Variants in LRRC74A observed in about 807,000 individuals in gnomAD.
LRRC74A encodes leucine-rich repeat-containing protein 74A.
In LRRC74A, 44 loss-of-function variants were observed where a neutral mutation model predicts 57.9. That is an observed-to-expected ratio of 0.76 (90% CI 0.60 to 0.98). LRRC74A has a LOEUF of 0.98. LRRC74A is among the 50% of genes least tolerant of loss of function. The probability of loss-of-function intolerance (pLI) is 0.00; values close to 1 mark genes in which losing one functional copy is unlikely to be tolerated. For missense variants in LRRC74A, 572 were observed against 574.0 expected, an observed-to-expected ratio of 1.00 and a Z score of 0.04; for synonymous variants, 211 against 219.4, an observed-to-expected ratio of 0.96 and a Z score of 0.34.
rs375364160 is a variant in LRRC74A at position 76,865,949 on chromosome 14, T to A, written c.1201-19T>A. 3.9e-5 allele frequency: 60 copies of A among 1,523,634 alleles called. No homozygotes were observed. The highest frequency in any genetic ancestry group is 4.8e-5 in the Non-Finnish European group (53 of 1,105,528). 94.4% of individuals were successfully genotyped at this position (1,523,634 alleles called of 1,614,324 possible). A position where few individuals can be genotyped will look rare whatever the true frequency, so the allele number is the denominator to read the frequency against. On this transcript the variant is annotated intron_variant, in intron 11 of 13. Transcript: ENST00000689127. ...TACAAGACCAAGTGTTTGCTCCTGG[T>A]CTCTCCTGCTTCTCTCAGAGCTATG...
At chr14:76,869,677 G>A (rs1281988261) in intron 13 of LRRC74A, among the ~76,000 whole-genome samples, 1 of 151,442 alleles carries the variant, frequency 6.6e-6, no homozygotes, top group African/African-American at 2.4e-5. Flanking sequence ...CAGGAGAATT[G>A]CTTGAACCTG....
intron 4 of LRRC74A, 30 bp from the exon 5 acceptor site, chr14:76,837,845 T>C (rs1390185512): frequency 7.1e-7 from 1 of 1,402,490 alleles, no homozygotes; most frequent in Admixed American, 2.0e-5. Context: ...TGAGCTTTTT[T>C]ACATACCGAA....
At chr14:76,843,384 T>C (rs1175799294) in intron 5 of LRRC74A, among the ~76,000 whole-genome samples, 1 of 152,130 alleles carries the variant, frequency 6.6e-6, no homozygotes, top group Admixed American at 6.5e-5. Flanking sequence ...TATTAGGATA[T>C]TATTCTTCTT....
chr14:76,838,008 A>G, intron 5 of LRRC74A, 37 bp downstream of exon 5: 1 of 1,327,148 alleles, frequency 7.5e-7, no homozygotes, highest in African/African-American at 1.5e-5. Context: ...GACACTGGGA[A>G]TCAGAGGGAG....
At chr14:76,828,587 G>C (rs61740619) in intron 2 of LRRC74A, 168 bp downstream of exon 2, 3 of 962,252 alleles carry the variant, frequency 3.1e-6, no homozygotes. Context: ...GTCCTCCTCC[G>C]GGCTGGCAGG....
chr14:76,844,904 G>A lies in LRRC74A; in HGVS notation c.676+3G>A. 6.6e-7 allele frequency: 1 copy of A among 1,520,246 alleles called. No homozygotes were observed. The highest frequency in any genetic ancestry group is 9.1e-7 in the Non-Finnish European group (1 of 1,095,032). The allele number at this position is 1,520,246 out of a possible 1,614,324, so 94.2% of individuals were successfully genotyped here. A position where few individuals can be genotyped will look rare whatever the true frequency, so the allele number is the denominator to read the frequency against. ...GGAGCACCTGGGCCAGATGCTGGGT[G>A]AGTCTCCCTGGAGGAAGGGACAGCA... On this transcript the variant is annotated splice_donor_region_variant and intron_variant, in intron 7 of 13. Coordinates refer to ENST00000689127, the MANE Select transcript of LRRC74A (RefSeq NM_001385106.1).
rs570682940 is a variant in LRRC74A at position 76,869,411 on chromosome 14, T to A, written c.1392-714T>A. On this transcript the variant is annotated intron_variant, in intron 13 of 13. Transcript: ENST00000689127. Reference sequence around the variant, plus strand: ...CAGAGTTTTAATTTTTATTGTTGCATGATCCTTTTCATTTTTGTTTTATGT... The same window carrying A: ...CAGAGTTTTAATTTTTATTGTTGCAAGATCCTTTTCATTTTTGTTTTATGT... 6.3e-3 allele frequency among the ~76,000 whole-genome samples: 956 copies of A among 152,342 alleles called. 14 individuals carry two copies. The highest frequency in any genetic ancestry group is 0.022 in the African/African-American group (917 of 41,578).
intron 7 of LRRC74A, among the ~76,000 whole-genome samples, chr14:76,849,935 G>A (rs939413723): frequency 7.2e-5 from 11 of 151,928 alleles, no homozygotes; most frequent in African/African-American, 2.4e-4. Context: ...AGGGCCAGGC[G>A]TGGTGGCTCA....
intron 5 of LRRC74A, among the ~76,000 whole-genome samples, chr14:76,842,298 T>C (rs1479248508): frequency 1.3e-5 from 2 of 152,224 alleles, no homozygotes; most frequent in East Asian, 3.8e-4. Context: ...CTGCAAATAA[T>C]GAAAGTTTTT....
chr14:76,865,301 C>T (rs1181150304), intron 11 of LRRC74A, among the ~76,000 whole-genome samples: 2 of 152,100 alleles, frequency 1.3e-5, no homozygotes, highest in Non-Finnish European at 1.5e-5. Flanking sequence ...GAGAAACCCA[C>T]GGATATGGAG....
intron 5 of LRRC74A, among the ~76,000 whole-genome samples, chr14:76,843,933 T>A (rs146150105): frequency 6.6e-6 from 1 of 152,096 alleles, no homozygotes; most frequent in Non-Finnish European, 1.5e-5. Flanking sequence ...ACTCCTGACC[T>A]CAGGTGATCC....
chr14:76,828,652 ACGT>A (rs1443289430), intron 2 of LRRC74A: 1 of 666,352 alleles, frequency 1.5e-6, no homozygotes, highest in Admixed American at 2.1e-5. Flanking sequence ...CAGTGCCCTC[ACGT>A]CGTCTTGTTA....
rs747919649 is a variant in LRRC74A, at chr14:76,852,401, G to T, written c.713G>T (p.Trp238Leu). The change falls in exon 8 of 14, where the codon TGG (tryptophan) becomes TTG (leucine). Residue 238 changes from tryptophan to leucine, a missense_variant. By Grantham distance (61) the Trp-to-Leu change is moderately conservative (BLOSUM62 -2). Transcript: ENST00000689127. ...GGGCTCACGTCACTGGATCTGAGCT[G>T]GAATAACTTCCACACAAGGGGAGCT... ...NVGLTSLDLS[W>L]NNFHTRGAVA... The T allele has an allele frequency of 6.2e-7, 1 of 1,612,422 alleles. No homozygotes were observed. The highest frequency in any genetic ancestry group is 1.7e-5 in the Admixed American group (1 of 59,914).
intron 1 of LRRC74A, 51 bp downstream of exon 1, chr14:76,826,785 G>C: frequency 8.0e-7 from 1 of 1,248,006 alleles, no homozygotes; most frequent in Non-Finnish European, 1.1e-6. Context: ...TGCTGCCTCA[G>C]TACAACACCT....
intron 12 of LRRC74A, among the ~76,000 whole-genome samples, chr14:76,866,636 A>G (rs1003546649): frequency 3.3e-5 from 5 of 152,150 alleles, no homozygotes; most frequent in African/African-American, 1.2e-4. Context: ...CCCGGTGCCC[A>G]GGCCGGGGGT....
At chr14:76,836,791 CAAAA>C (rs11339843) in intron 4 of LRRC74A, among the ~76,000 whole-genome samples, 3 of 92,906 alleles carry the variant, frequency 3.2e-5, no homozygotes, top group Admixed American at 1.2e-4. Flanking sequence ...GACTCCATCT[CAAAA>C]AAAAAAAAAA....
At chr14:76,863,828 A>G (rs1595399634) in intron 11 of LRRC74A, among the ~76,000 whole-genome samples, 1 of 152,254 alleles carries the variant, frequency 6.6e-6, no homozygotes, top group Admixed American at 6.5e-5. Context: ...ACCCCAACTG[A>G]GTTGCCAAGA....
Position 76,860,732 on chromosome 14 carries a change from G to T in LRRC74A, c.1093G>T (p.Gly365Ter). 6.2e-7 allele frequency: 1 copy of T among 1,611,720 alleles called. No individual in the cohort carries two copies. The highest frequency in any genetic ancestry group is 1.1e-5 in the South Asian group (1 of 90,792). ...CGAGCAGTTCATGAAAACGTTGGAC[G>T]GAGTGTATGCCGTTCACCCGCAGCT... Reference protein sequence around the residue: ...VSEQFMKTLDGVYAVHPQLDV... With the variant: ...VSEQFMKTLD Residue 365 changes from glycine (G) to a stop codon, truncating the protein, a stop_gained, in exon 11 of 14, where the codon GGA (glycine) becomes TGA (stop). Coordinates refer to ENST00000689127, the MANE Select transcript of LRRC74A (RefSeq NM_001385106.1). LOFTEE classifies it high-confidence loss of function.
chr14:76,837,837 A>T, intron 4 of LRRC74A, 38 bp from the exon 5 acceptor site: 4 of 1,300,136 alleles, frequency 3.1e-6, no homozygotes, highest in Non-Finnish European at 4.3e-6. Context: ...CCCTTTGGTG[A>T]GCTTTTTTAC....
Sources: gnomAD v4.1 joint callset for allele counts (sites outside exome capture counted in the v4.1 genomes callset) on GRCh38, gnomAD v4.1.1 for gene constraint, MANE v1.5 for transcripts, NCBI Gene and HGNC (gene_info 2026-07-23, HGNC 2026-07-21) for gene names.